Variants in TRMT44 observed in about 807,000 individuals in gnomAD.
TRMT44 encodes probable tRNA (uracil-O(2)-)-methyltransferase.
In TRMT44, 78 loss-of-function variants were observed where a neutral mutation model predicts 77.3. That is an observed-to-expected ratio of 1.01 (90% CI 0.84 to 1.22). The LOEUF (loss-of-function observed/expected upper bound fraction) is 1.22. TRMT44 is among the 50% of genes most tolerant of loss of function. The pLI, the probability that TRMT44 is intolerant of heterozygous loss-of-function variation, is 0.00. For missense variants in TRMT44, 1,090 were observed against 964.4 expected, an observed-to-expected ratio of 1.13 and a Z score of -1.73; for synonymous variants, 391 against 383.3, an observed-to-expected ratio of 1.02 and a Z score of -0.23.
intron 2 of TRMT44, among the ~76,000 whole-genome samples, chr4:8,491,918 G>A (rs1055916724): frequency 2.0e-5 from 3 of 152,248 alleles, no homozygotes; most frequent in African/African-American, 7.2e-5. Context: ...CCAGGCAGAG[G>A]AGGCACTGAG....
At chr4:8,478,286 A>C (rs941767141), downstream of TRMT44, 3 of 152,590 alleles carry the variant, frequency 2.0e-5, no homozygotes, top group Non-Finnish European at 4.4e-5. Context: ...GTCTCAAAGG[A>C]GCATCAGATG....
the TRMT44 span, among the ~76,000 whole-genome samples, chr4:8,515,061 G>A: frequency 1.9e-4 from 29 of 152,264 alleles, no homozygotes; most frequent in Non-Finnish European, 4.4e-5. Flanking sequence ...CACCTCCTGG[G>A]CTCAAGTGAT....
At chr4:8,504,986 C>T in the TRMT44 span, among the ~76,000 whole-genome samples, 4 of 152,310 alleles carry the variant, frequency 2.6e-5, no homozygotes, top group East Asian at 1.9e-4. This position sits in a 1 kb window ranked among gnomAD's most constrained non-coding sequence, Gnocchi z 5.3. Context: ...TCTACCCACC[C>T]TCCCCTGCAT....
In TRMT44 at chr4:8,452,501, G is replaced by A. The variant is rs147570522; in HGVS notation, c.1024-381G>A. ...GTAATTCCCAGCACTTCGGGAGGCC[G>A]AGGCGGGCAGATCACTTGAGGTCAG... On this transcript the variant is annotated intron_variant, in intron 4 of 10. Transcript: ENST00000389737. The surrounding 1 kb of genome is among the most constrained non-coding windows in gnomAD (Gnocchi z 5.7). 1.7e-3 allele frequency among the ~76,000 whole-genome samples: 252 copies of A among 152,332 alleles called. 1 individual carries two copies. Among genetic ancestry groups the A allele is most frequent in the African/African-American group, 5.5e-3 (228 of 41,564 alleles).
intron 3 of TRMT44, 70 bp downstream of exon 3, chr4:8,449,958 T>TCTTTC (rs1560222107): frequency 1.4e-6 from 1 of 734,506 alleles, no homozygotes; most frequent in Admixed American, 3.9e-5. Flanking sequence ...TCTTTTTTTT[T>TCTTTC]TTTTTTTTTT....
intron 2 of TRMT44, among the ~76,000 whole-genome samples, chr4:8,484,509 G>T (rs919607202): frequency 1.3e-5 from 2 of 152,198 alleles, no homozygotes; most frequent in Non-Finnish European, 2.9e-5. Context: ...AGACATGATG[G>T]CAAGCCTAAA....
In TRMT44 at chr4:8,454,798, A is replaced by G. The variant is rs770895910; in HGVS notation, c.1188A>G (p.Pro396=). The G allele has an allele frequency of 6.2e-7, 1 of 1,614,210 alleles. No homozygotes were observed. The highest frequency in any genetic ancestry group is 8.5e-7 in the Non-Finnish European group (1 of 1,180,010). ...RRRKIWDMYG[P]QTQLEEDAIT... ...GAAAAATCTGGGACATGTATGGACC[A>G]CAAACTCAGTTAGAGGTACCGTCTT... The change falls in exon 6 of 11, where the codon CCA becomes CCG. Residue 396 remains proline, a synonymous_variant. Transcript: ENST00000389737.
At chr4:8,498,385 A>G (rs1728210846), downstream of TRMT44, among the ~76,000 whole-genome samples, 1 of 152,186 alleles carries the variant, frequency 6.6e-6, no homozygotes, top group African/African-American at 2.4e-5. The surrounding 1 kb of genome is among the most constrained non-coding windows in gnomAD (Gnocchi z 4.3). Flanking sequence ...TAATTTACAA[A>G]GAAAAGAGGT....
chr4:8,456,447 A>G (rs895251341), intron 6 of TRMT44, among the ~76,000 whole-genome samples: 17 of 152,248 alleles, frequency 1.1e-4, no homozygotes, highest in African/African-American at 4.1e-4. Flanking sequence ...TTAGAAGAAA[A>G]GGCTGAGTTC....
chr4:8,476,299 G>A lies in TRMT44; in HGVS notation c.*298G>A. The A allele has an allele frequency of 2.4e-6, 1 of 420,990 alleles. No individual in the cohort carries two copies. Among genetic ancestry groups the A allele is most frequent in the East Asian group, 4.8e-5 (1 of 20,972 alleles). The allele number at this position is 420,990 out of a possible 1,614,324, so 26.1% of individuals were successfully genotyped here. On this transcript the variant is annotated 3_prime_UTR_variant, in exon 11 of 11. Transcript: ENST00000389737. ...CGGATCCTTACAATGTCTCCTGGGG[G>A]AGAGCGGCTGAGGCTGCCTTGCACA...
intron 6 of TRMT44, 124 bp from the exon 7 acceptor site, chr4:8,463,861 A>G: frequency 1.3e-6 from 1 of 749,746 alleles, no homozygotes; most frequent in East Asian, 2.6e-5. Context: ...TTGGTCATGC[A>G]GCAGGTGAAC....
intron 6 of TRMT44, among the ~76,000 whole-genome samples, chr4:8,459,036 TAAAA>T (rs879600636): frequency 6.8e-5 from 9 of 131,646 alleles, no homozygotes; most frequent in African/African-American, 2.3e-4. Context: ...CCATCTCTAC[TAAAA>T]AAAAAAAAAA....
At chr4:8,471,933 G>C (rs1002209898) in intron 10 of TRMT44, among the ~76,000 whole-genome samples, 5 of 152,198 alleles carry the variant, frequency 3.3e-5, no homozygotes, top group South Asian at 2.1e-4. Flanking sequence ...GTGCACAGAG[G>C]GGGCAGGAAC....
intron 2 of TRMT44, among the ~76,000 whole-genome samples, chr4:8,449,162 GA>G (rs1216098447): frequency 6.6e-6 from 1 of 152,234 alleles, no homozygotes; most frequent in African/African-American, 2.4e-5. Flanking sequence ...AAGACAGACA[GA>G]AGCCCCCCAC....
chr4:8,497,276 A>G (rs1472321960), downstream of TRMT44, among the ~76,000 whole-genome samples: 1 of 152,146 alleles, frequency 6.6e-6, no homozygotes, highest in Admixed American at 6.5e-5. Context: ...TTTTCGTTTG[A>G]TGCAGCTGCA....
the TRMT44 span, among the ~76,000 whole-genome samples, chr4:8,501,742 G>A: frequency 6.6e-6 from 1 of 152,060 alleles, no homozygotes; most frequent in Non-Finnish European, 1.5e-5. The surrounding 1 kb of genome is among the most constrained non-coding windows in gnomAD (Gnocchi z 4.4). Flanking sequence ...TAGCTGGGAG[G>A]TGCTCAGTTG....
chr4:8,490,419 G>A (rs185305079), intron 2 of TRMT44, among the ~76,000 whole-genome samples: 199 of 152,148 alleles, frequency 1.3e-3, no homozygotes, highest in Admixed American at 3.1e-3. Flanking sequence ...TGGCTCAGGA[G>A]TGAAGCTGCA....
chr4:8,471,266 G>C, intron 10 of TRMT44, 66 bp downstream of exon 10: 1 of 1,179,936 alleles, frequency 8.5e-7, no homozygotes, highest in South Asian at 1.5e-5. Flanking sequence ...GTTAAATAAT[G>C]TTTTATTTTA....
chr4:8,460,676 C>G (rs1377330759), intron 6 of TRMT44, among the ~76,000 whole-genome samples: 1 of 151,710 alleles, frequency 6.6e-6, no homozygotes, highest in East Asian at 1.9e-4. Flanking sequence ...GCCTCAACCT[C>G]CCGGGTAGCT....
Sources: allele counts gnomAD v4.1 joint callset (sites outside exome capture counted in the v4.1 genomes callset), GRCh38; gene constraint gnomAD v4.1.1; non-coding constraint Gnocchi (gnomAD v3.1); transcripts MANE v1.5; gene names NCBI Gene and HGNC (gene_info 2026-07-23, HGNC 2026-07-21).